Variants in OPCML observed in about 807,000 individuals in gnomAD.
OPCML encodes the protein opioid binding protein/cell adhesion molecule like.
OPCML carries 13 observed loss-of-function variants against 37.8 expected under a neutral mutation model. The ratio of observed to expected loss-of-function variants is 0.34; its 90% CI spans 0.22 to 0.55. OPCML has a LOEUF of 0.55. OPCML is among the 20% of genes least tolerant of loss of function. OPCML has a pLI of 0.91. For synonymous variants in OPCML, 176 were observed against 168.8 expected (o/e 1.04, Z -0.33); for missense variants, 341 against 435.6 (o/e 0.78, Z 1.93).
intron 2 of OPCML, among the ~76,000 whole-genome samples, chr11:132,839,823 C>T (rs946624038): frequency 6.6e-6 from 1 of 152,204 alleles, no homozygotes; most frequent in Non-Finnish European, 1.5e-5. Flanking sequence ...TAATTAAAAT[C>T]TAATTGAAAT....
At chr11:132,699,685 A>G (rs1047341813) in intron 2 of OPCML, among the ~76,000 whole-genome samples, 1 of 152,102 alleles carries the variant, frequency 6.6e-6, no homozygotes, top group African/African-American at 2.4e-5. Context: ...CTTGCATGTT[A>G]GGAATAAATC....
chr11:133,430,822 C>T (rs955841924), intron 1 of OPCML, among the ~76,000 whole-genome samples: 1 of 152,104 alleles, frequency 6.6e-6, no homozygotes, highest in African/African-American at 2.4e-5. Context: ...AATTTTTTAA[C>T]CTTCTTAAAA....
intron 3 of OPCML, among the ~76,000 whole-genome samples, chr11:132,591,088 C>A (rs2096483666): frequency 6.6e-6 from 1 of 152,190 alleles, no homozygotes; most frequent in Non-Finnish European, 1.5e-5. Flanking sequence ...TTGCACAAAG[C>A]AAGATTGTTG....
intron 2 of OPCML, among the ~76,000 whole-genome samples, chr11:132,690,810 A>C (rs1054362219): frequency 1.3e-5 from 2 of 152,246 alleles, no homozygotes; most frequent in African/African-American, 2.4e-5. Context: ...GCTCACCTCA[A>C]GCCTTACCCA....
At chr11:133,240,547 C>T (rs1290882346) in intron 1 of OPCML, among the ~76,000 whole-genome samples, 1 of 152,186 alleles carries the variant, frequency 6.6e-6, no homozygotes, top group African/African-American at 2.4e-5. Flanking sequence ...TAGCAGCCGG[C>T]CCACCAGGCC....
At chr11:132,461,798 A>G (rs181801489) in intron 4 of OPCML, among the ~76,000 whole-genome samples, 3 of 152,176 alleles carry the variant, frequency 2.0e-5, no homozygotes, top group Non-Finnish European at 1.5e-5. Flanking sequence ...CCTTCTTCAC[A>G]TGATGGCAGG....
At chr11:133,015,767 A>G (rs1411096180) in intron 1 of OPCML, among the ~76,000 whole-genome samples, 1 of 152,094 alleles carries the variant, frequency 6.6e-6, no homozygotes, top group Non-Finnish European at 1.5e-5. Context: ...TCCAGCTGCA[A>G]CTGATCTTGG....
At chr11:132,837,927 G>T (rs556053981) in intron 2 of OPCML, among the ~76,000 whole-genome samples, 9 of 152,312 alleles carry the variant, frequency 5.9e-5, no homozygotes, top group African/African-American at 1.9e-4. Flanking sequence ...AGGCTGGAGG[G>T]CCTCACGTTC....
At chr11:132,864,850 C>G (rs1364842617) in intron 2 of OPCML, among the ~76,000 whole-genome samples, 2 of 152,204 alleles carry the variant, frequency 1.3e-5, no homozygotes, top group Non-Finnish European at 2.9e-5. Context: ...CAACAACATA[C>G]TGGACTTTAA....
chr11:133,204,968 T>G (rs1020597503), intron 1 of OPCML, among the ~76,000 whole-genome samples: 15 of 148,684 alleles, frequency 1.0e-4, no homozygotes, highest in Non-Finnish European at 1.6e-4. Context: ...CTGAAAACCC[T>G]TGGAATCTCC....
chr11:133,333,615 T>C (rs1249351061), intron 1 of OPCML, among the ~76,000 whole-genome samples: 1 of 152,182 alleles, frequency 6.6e-6, no homozygotes, highest in Non-Finnish European at 1.5e-5. Flanking sequence ...CAAAGTCAAT[T>C]GCAACAAAGC....
intron 1 of OPCML, among the ~76,000 whole-genome samples, chr11:133,469,575 T>G (rs1947058377): frequency 6.6e-6 from 1 of 152,174 alleles, no homozygotes; most frequent in Non-Finnish European, 1.5e-5. Context: ...ACCTGTTTGT[T>G]TTTCCTAAAC....
At chr11:133,049,448 C>T (rs1415852729) in intron 1 of OPCML, among the ~76,000 whole-genome samples, 2 of 152,140 alleles carry the variant, frequency 1.3e-5, no homozygotes, top group Non-Finnish European at 2.9e-5. Flanking sequence ...AATCACGTGA[C>T]CTTTCAGTAA....
In OPCML at chr11:133,208,355, G is replaced by C. The variant is rs772247122; in HGVS notation, c.62-265345C>G. On this transcript the variant is annotated intron_variant, in intron 1 of 7. Transcript: ENST00000524381. The surrounding 1 kb of genome is among the most constrained non-coding windows in gnomAD (Gnocchi z 8.9). Reference sequence around the variant, plus strand: ...CTACTACATTCAGTATCATTGTCGAGGGGCAGCTGGGGCATGGTAGAAAGG... The same window carrying C: ...CTACTACATTCAGTATCATTGTCGACGGGCAGCTGGGGCATGGTAGAAAGG... Among the ~76,000 whole-genome samples, 10 of 152,180 alleles carry C rather than the reference G, an allele frequency of 6.6e-5. No homozygotes were observed. Among genetic ancestry groups the C allele is most frequent in the Non-Finnish European group, 1.3e-4 (9 of 68,044 alleles).
intron 2 of OPCML, among the ~76,000 whole-genome samples, chr11:132,661,043 T>G (rs1173872671): frequency 2.0e-5 from 3 of 152,068 alleles, no homozygotes; most frequent in Non-Finnish European, 4.4e-5. Context: ...GCCACAGGCT[T>G]GAGTAAGGGT....
chr11:133,494,913 A>G (rs1947749119), intron 1 of OPCML, among the ~76,000 whole-genome samples: 1 of 151,662 alleles, frequency 6.6e-6, no homozygotes, highest in South Asian at 2.1e-4. Flanking sequence ...AAGTTTTTTC[A>G]ATTTTATTTT....
At chr11:132,901,745 T>C (rs1944070621) in intron 2 of OPCML, among the ~76,000 whole-genome samples, 1 of 152,122 alleles carries the variant, frequency 6.6e-6, no homozygotes, top group Non-Finnish European at 1.5e-5. Context: ...TCATCAGTAG[T>C]AGTGAAAGAG....
At chr11:132,948,835 G>A (rs989325491) in intron 1 of OPCML, among the ~76,000 whole-genome samples, 2 of 152,184 alleles carry the variant, frequency 1.3e-5, no homozygotes, top group Non-Finnish European at 2.9e-5. Flanking sequence ...AAAGATGGGA[G>A]TGAAAGGTTA....
chr11:132,996,296 T>C (rs1180788935), intron 1 of OPCML, among the ~76,000 whole-genome samples: 2 of 151,886 alleles, frequency 1.3e-5, no homozygotes, highest in African/African-American at 2.4e-5. Context: ...TGAAGGCAAA[T>C]GTATGGGTGC....
Sources: allele counts gnomAD v4.1 joint callset (sites outside exome capture counted in the v4.1 genomes callset), GRCh38; gene constraint gnomAD v4.1.1; non-coding constraint Gnocchi (gnomAD v3.1); transcripts MANE v1.5; gene names NCBI Gene and HGNC (gene_info 2026-07-23, HGNC 2026-07-21).